TNN: variants seen among roughly 807,000 people sequenced by gnomAD.
TNN encodes tenascin N, also known as tenascin-N.
TNN carries 122 observed loss-of-function variants against 134.4 expected under a neutral mutation model. That is an observed-to-expected ratio of 0.91 (90% CI 0.78 to 1.06). TNN has a LOEUF of 1.06. Ranked by LOEUF, TNN falls within the 50% of genes least tolerant of loss-of-function variation. The pLI is 0.00. For synonymous variants in TNN, 710 were observed against 670.3 expected (o/e 1.06, Z -0.91); for missense variants, 1,739 against 1,699.4 (o/e 1.02, Z -0.41).
At chr1:175,131,287 T>C (rs1173631735) in intron 15 of TNN, among the ~76,000 whole-genome samples, 1 of 152,240 alleles carries the variant, frequency 6.6e-6, no homozygotes, top group Non-Finnish European at 1.5e-5. Context: ...ATCTTGAAAG[T>C]CTTAATGCAT....
chr1:175,114,607 G>A (rs961974873), intron 9 of TNN, among the ~76,000 whole-genome samples: 28 of 152,182 alleles, frequency 1.8e-4, no homozygotes, highest in Admixed American at 1.7e-3. Flanking sequence ...GTCTTGGGAT[G>A]CAGAGTGATC....
intron 15 of TNN, among the ~76,000 whole-genome samples, chr1:175,134,948 T>C (rs1675759347): frequency 6.6e-6 from 1 of 152,216 alleles, no homozygotes; most frequent in Non-Finnish European, 1.5e-5. Flanking sequence ...CGCTCTTACC[T>C]GGACCAACGT....
At chr1:175,089,004 A>G (rs557090949) in intron 6 of TNN, among the ~76,000 whole-genome samples, 1 of 152,332 alleles carries the variant, frequency 6.6e-6, no homozygotes, top group Non-Finnish European at 1.5e-5. Flanking sequence ...TTGTTACTCA[A>G]AAGTGTTTTT....
chr1:175,094,243 T>TG lies in TNN; in HGVS notation c.1579dup (p.Ala527GlyfsTer6). The TG allele has an allele frequency of 6.2e-7, 1 of 1,602,286 alleles. No individual in the cohort carries two copies. The highest frequency in any genetic ancestry group is 8.5e-7 in the Non-Finnish European group (1 of 1,172,332). ...AGGGGAGCAAGAAAGCTGACACCAA[T>TG]GCCCTCACAGGTAACAGAAGGACGG... On this transcript the variant is annotated frameshift_variant, in exon 7 of 19. Transcript: ENST00000239462. LOFTEE classifies it high-confidence loss of function.
chr1:175,127,622 T>C (rs1282396285), intron 13 of TNN, among the ~76,000 whole-genome samples: 2 of 152,226 alleles, frequency 1.3e-5, no homozygotes, highest in African/African-American at 4.8e-5. Context: ...ATATCAACTA[T>C]CTCCTTGTCT....
Position 175,106,260 on chromosome 1 carries a change from C to A in TNN, c.2119+7665C>A, listed in dbSNP as rs1456637739. Reference sequence around the variant, plus strand: ...CACAAAAATGAAATGGAGGGCCATACCCTGAGGGAGGGAGGGGATCTTCAG... The same window carrying A: ...CACAAAAATGAAATGGAGGGCCATAACCTGAGGGAGGGAGGGGATCTTCAG... On this transcript the variant is annotated intron_variant, in intron 9 of 18. Transcript: ENST00000239462. Among the ~76,000 whole-genome samples the A allele has an allele frequency of 4.8e-5, 7 of 145,958 alleles. 3 individuals carry two copies. The East Asian group carries it at 1.6e-3, about 33-fold the overall frequency.
At chr1:175,092,934 A>G (rs963911983) in intron 6 of TNN, among the ~76,000 whole-genome samples, 4 of 152,174 alleles carry the variant, frequency 2.6e-5, no homozygotes, top group Non-Finnish European at 5.9e-5. Context: ...CACCCCCACC[A>G]TCTTGCATAT....
At chr1:175,104,519 C>T (rs912278481) in intron 9 of TNN, among the ~76,000 whole-genome samples, 1 of 145,822 alleles carries the variant, frequency 6.9e-6, no homozygotes, top group Non-Finnish European at 1.5e-5. Flanking sequence ...ACAAGCCGTA[C>T]CAGGTGATTG....
chr1:175,073,230 G>C (rs896865809), intron 1 of TNN, among the ~76,000 whole-genome samples: 1 of 152,142 alleles, frequency 6.6e-6, no homozygotes, highest in African/African-American at 2.4e-5. Flanking sequence ...ATCTGTGGCC[G>C]TGTGCTCATC....
intron 9 of TNN, among the ~76,000 whole-genome samples, chr1:175,099,423 G>A (rs1003920657): frequency 1.3e-5 from 2 of 151,726 alleles, no homozygotes; most frequent in Non-Finnish European, 2.9e-5. Flanking sequence ...AAGAGGTAAG[G>A]GGTCAGAGGA....
chr1:175,136,649 C>T (rs1675819445), intron 16 of TNN, among the ~76,000 whole-genome samples, 172 bp from the exon 17 acceptor site: 1 of 152,216 alleles, frequency 6.6e-6, no homozygotes, highest in Admixed American at 6.5e-5. Context: ...TCTTCGCACT[C>T]CTTAGTGTGA....
chr1:175,100,115 C>G (rs558375157), intron 9 of TNN, among the ~76,000 whole-genome samples: 11 of 152,224 alleles, frequency 7.2e-5, no homozygotes, highest in Non-Finnish European at 1.5e-4. Context: ...ATTTTCTTAT[C>G]TCTTAGATAT....
rs201829406 is a variant in TNN at position 175,123,552 on chromosome 1, C to T, written c.2803C>T (p.His935Tyr). 2 of 1,613,920 alleles carry T rather than the reference C, an allele frequency of 1.2e-6. No individual in the cohort carries two copies. The highest frequency in any genetic ancestry group is 1.7e-6 in the Non-Finnish European group (2 of 1,179,928). The part of the protein sequence containing the change: ...ETREVPVGKE[H>Y]SSTVLTGLRP... ...CAGGGAGGTTCCGGTGGGGAAGGAG[C>T]ACAGCAGCACTGTCCTGACGGGCCT... The change falls in exon 12 of 19, where the codon CAC (histidine) becomes TAC (tyrosine). Residue 935 changes from histidine to tyrosine, a missense_variant. Transcript: ENST00000239462.
At chr1:175,138,610 G>GA (rs1278406006) in intron 17 of TNN, among the ~76,000 whole-genome samples, 1 of 151,902 alleles carries the variant, frequency 6.6e-6, no homozygotes. Flanking sequence ...GACAATCCTT[G>GA]AAAAAAAAGC....
Position 175,147,299 on chromosome 1 carries a change from G to A in TNN, c.*228G>A. The A allele has an allele frequency of 2.5e-6, 1 of 394,164 alleles. No individual in the cohort carries two copies. The highest frequency in any genetic ancestry group is 4.4e-6 in the Non-Finnish European group (1 of 225,082). 24.4% of individuals were successfully genotyped at this position (394,164 alleles called of 1,614,324 possible). A position where few individuals can be genotyped will look rare whatever the true frequency, so the allele number is the denominator to read the frequency against. The stretch of plus-strand genomic sequence containing the variant: ...TTGCACAGTATGTGTAGGAAAGACA[G>A]TACTGGAACGGCAAGGTTTCTCAGC... On this transcript the variant is annotated 3_prime_UTR_variant, in exon 19 of 19. Transcript: ENST00000239462.
At chr1:175,134,239 A>G (rs911177479) in intron 15 of TNN, among the ~76,000 whole-genome samples, 3 of 151,998 alleles carry the variant, frequency 2.0e-5, no homozygotes, top group East Asian at 1.9e-4. Context: ...CACATCCCCA[A>G]ATGAGCTCAT....
rs544962856 is a variant in TNN at position 175,094,156 on chromosome 1, C to T, written c.1491C>T (p.Val497=). The change falls in exon 7 of 19, where the codon GTC becomes GTT. Residue 497 remains valine (V), a synonymous_variant. Transcript: ENST00000239462. ...MAVHKDESST[V]LTGLKPGEAY... is the part of the protein sequence containing the mutation. The stretch of plus-strand genomic sequence containing the variant: ...TGCACAAGGATGAGAGCAGCACTGT[C>T]CTGACGGGCCTGAAGCCAGGAGAGG... The T allele has an allele frequency of 2.5e-6, 4 of 1,614,150 alleles. No individual in the cohort carries two copies. In the South Asian group the frequency reaches 4.4e-5, roughly 18 times the overall value.
chr1:175,080,040 G>A, intron 3 of TNN, 123 bp from the exon 4 acceptor site: 1 of 1,331,870 alleles, frequency 7.5e-7, no homozygotes, highest in Admixed American at 2.1e-5. Context: ...TAGGGGTCGG[G>A]AATGGCGCCT....
At chr1:175,131,917 TACACACACAC>T (rs3028571) in intron 15 of TNN, among the ~76,000 whole-genome samples, 11 of 136,338 alleles carry the variant, frequency 8.1e-5, no homozygotes, top group East Asian at 2.1e-4. Flanking sequence ...GAAGTATTAT[TACACACACAC>T]ACACACACAC....
Sources: gnomAD v4.1 joint callset for allele counts (sites outside exome capture counted in the v4.1 genomes callset) on GRCh38, gnomAD v4.1.1 for gene constraint, MANE v1.5 for transcripts, NCBI Gene and HGNC (gene_info 2026-07-23, HGNC 2026-07-21) for gene names.